Variants in LIPA observed in about 807,000 individuals in gnomAD.
LIPA encodes lysosomal acid lipase/cholesteryl ester hydrolase.
Under a neutral mutation model 40.6 loss-of-function variants are expected in LIPA, and 26 were observed. That is an observed-to-expected ratio of 0.64 (90% CI 0.47 to 0.89). The LOEUF is 0.89. Among genes scored for constraint, LIPA ranks in the 40% least tolerant of loss-of-function variants. The pLI, the probability that LIPA is intolerant of heterozygous loss-of-function variation, is 0.00. For missense variants in LIPA, 455 were observed against 479.6 expected (o/e 0.95, Z 0.48); for synonymous variants, 188 against 168.4 (o/e 1.12, Z -0.90).
chr10:89,326,253 A>C (rs1589601568), intron 1 of LIPA, among the ~76,000 whole-genome samples: 1 of 152,342 alleles, frequency 6.6e-6, no homozygotes, highest in South Asian at 2.1e-4. Context: ...AGTGCTCTTT[A>C]GCCATAAAAA....
At chr10:89,367,855 G>A (rs958542503) in intron 2 of LIPA, among the ~76,000 whole-genome samples, 3 of 152,086 alleles carry the variant, frequency 2.0e-5, no homozygotes, top group Non-Finnish European at 4.4e-5. Context: ...GCCTCACTCT[G>A]TCACCAAAGC....
At chr10:89,215,772 C>T (rs1842617774) in intron 9 of LIPA, among the ~76,000 whole-genome samples, 166 bp downstream of exon 9, 1 of 152,204 alleles carries the variant, frequency 6.6e-6, no homozygotes, top group South Asian at 2.1e-4. Context: ...ACAACACCAG[C>T]TACAAAGCTT....
rs766796446 is a variant in LIPA, at chr10:89,222,505, G to A, written c.894+6C>T. On this transcript the variant is annotated splice_donor_region_variant and intron_variant, in intron 8 of 9. Coordinates refer to ENST00000336233, the MANE Select transcript of LIPA (RefSeq NM_000235.4). ...TGAACCCCAAATGCACTCCTGGAAT[G>A]CCTACCTGGCTCCAGTGTAACATGT... 5 of 1,590,788 alleles carry A rather than the reference G, an allele frequency of 3.1e-6. No homozygotes were observed. Among genetic ancestry groups the A allele is most frequent in the Non-Finnish European group, 4.3e-6 (5 of 1,158,760 alleles).
At chr10:89,390,205 C>T (rs979745103) in intron 2 of LIPA, among the ~76,000 whole-genome samples, 3 of 152,002 alleles carry the variant, frequency 2.0e-5, no homozygotes, top group African/African-American at 4.8e-5. Flanking sequence ...AGGCTGGTCT[C>T]GAACTCCCAA....
intron 2 of LIPA, among the ~76,000 whole-genome samples, chr10:89,398,941 GA>G (rs1378567933): frequency 2.0e-5 from 3 of 152,106 alleles, no homozygotes; most frequent in African/African-American, 7.2e-5. Flanking sequence ...TAATTTTTCT[GA>G]GGAATTACCA....
chr10:89,402,819 G>A, intron 2 of LIPA: 1 of 1,614,210 alleles, frequency 6.2e-7, no homozygotes, highest in Non-Finnish European at 8.5e-7. Context: ...CGCTGGGTAT[G>A]CGATCTCTGC....
chr10:89,269,140 C>A (rs1196656073), intron 1 of LIPA, among the ~76,000 whole-genome samples: 1 of 151,734 alleles, frequency 6.6e-6, no homozygotes, highest in South Asian at 2.1e-4. Context: ...TCATGGCCAA[C>A]ACAGTGAAAC....
At chr10:89,373,934 A>T (rs1469271806) in intron 2 of LIPA, among the ~76,000 whole-genome samples, 1 of 152,198 alleles carries the variant, frequency 6.6e-6, no homozygotes, top group East Asian at 1.9e-4. Flanking sequence ...AACCATGCAC[A>T]AAAAAATCAC....
chr10:89,326,165 T>C (rs1405852497), intron 1 of LIPA, among the ~76,000 whole-genome samples: 4 of 152,190 alleles, frequency 2.6e-5, no homozygotes, highest in Non-Finnish European at 5.9e-5. Context: ...CTATTCACAA[T>C]AGCCAAGATT....
chr10:89,232,369 G>C (rs1228278517), intron 3 of LIPA, among the ~76,000 whole-genome samples: 1 of 152,188 alleles, frequency 6.6e-6, no homozygotes, highest in African/African-American at 2.4e-5. Flanking sequence ...GAAAGGCCAG[G>C]AACGGGCTGC....
intron 1 of LIPA, among the ~76,000 whole-genome samples, chr10:89,318,010 C>T (rs1448200172): frequency 6.6e-6 from 1 of 152,166 alleles, no homozygotes; most frequent in East Asian, 1.9e-4. Flanking sequence ...TACAGACAAG[C>T]AAAGGCTGAG....
chr10:89,277,718 T>A (rs1425325311), intron 1 of LIPA, among the ~76,000 whole-genome samples: 2 of 152,236 alleles, frequency 1.3e-5, no homozygotes, highest in Admixed American at 6.5e-5. Context: ...CCTCTGCTGG[T>A]CATGATTGGG....
chr10:89,214,746 C>T lies in LIPA; in HGVS notation c.*82G>A, dbSNP rs1842598135. The T allele has an allele frequency of 4.6e-6, 4 of 870,110 alleles. No individual in the cohort carries two copies. The highest frequency in any genetic ancestry group is 4.2e-5 in the Admixed American group (2 of 47,704). The allele number at this position is 870,110 out of a possible 1,614,324, so 53.9% of individuals were successfully genotyped here. On this transcript the variant is annotated 3_prime_UTR_variant, in exon 10 of 10. Coordinates refer to ENST00000336233, the MANE Select transcript of LIPA (RefSeq NM_000235.4). ...AAACAAAAGACCTGGGAAAGAAAAA[C>T]AAGTGTTTTACAGAAATGAAGCAAA...
At chr10:89,233,433 GAA>G (rs1282153717) in intron 3 of LIPA, among the ~76,000 whole-genome samples, 2 of 152,230 alleles carry the variant, frequency 1.3e-5, no homozygotes, top group Non-Finnish European at 2.9e-5. Flanking sequence ...ACATTCAGGT[GAA>G]AAGTTTTTAA....
intron 2 of LIPA, chr10:89,378,271 G>T: frequency 4.8e-6 from 4 of 839,140 alleles, no homozygotes; most frequent in Non-Finnish European, 8.1e-6. Context: ...GACCCTGATA[G>T]GCACCCTCAA....
At chr10:89,317,145 A>C (rs1843545639) in intron 1 of LIPA, among the ~76,000 whole-genome samples, 1 of 152,264 alleles carries the variant, frequency 6.6e-6, no homozygotes, top group Non-Finnish European at 1.5e-5. Context: ...CTAAAAAATC[A>C]GAGTGCCTCT....
At chr10:89,277,240 C>T (rs529166687) in intron 1 of LIPA, among the ~76,000 whole-genome samples, 45 of 152,180 alleles carry the variant, frequency 3.0e-4, no homozygotes, top group Admixed American at 9.2e-4. Context: ...GAGGAAATAG[C>T]GTTACTGCAT....
chr10:89,383,813 C>A (rs369472118), intron 2 of LIPA: 9 of 1,614,054 alleles, frequency 5.6e-6, no homozygotes, highest in Non-Finnish European at 7.6e-6. Flanking sequence ...TTTGAAAAGG[C>A]TCTGGAAGGG....
At chr10:89,399,535 A>T (rs1844391411) in intron 2 of LIPA, among the ~76,000 whole-genome samples, 1 of 151,992 alleles carries the variant, frequency 6.6e-6, no homozygotes, top group East Asian at 1.9e-4. Context: ...ATCCATTTTG[A>T]GTTAATTTTT....
Sources: gnomAD v4.1 joint callset for allele counts (sites outside exome capture counted in the v4.1 genomes callset) on GRCh38, gnomAD v4.1.1 for gene constraint, MANE v1.5 for transcripts, NCBI Gene and HGNC (gene_info 2026-07-23, HGNC 2026-07-21) for gene names.